LRP1B: variants seen among roughly 807,000 people sequenced by gnomAD.
LRP1B encodes the protein low-density lipoprotein receptor-related protein 1B.
A neutral mutation model predicts 556.6 loss-of-function variants in LRP1B; 217 were observed. That is an observed-to-expected ratio of 0.39 (90% CI 0.35 to 0.44). LRP1B has a LOEUF of 0.44. LRP1B is among the 20% of genes least tolerant of loss of function. The probability of loss-of-function intolerance (pLI) is 1.00; values close to 1 mark genes in which losing one functional copy is unlikely to be tolerated. For synonymous variants in LRP1B, 2,047 were observed against 1,865.8 expected (o/e 1.10, Z -2.50); for missense variants, 5,053 against 5,620.8 (o/e 0.90, Z 3.23).
intron 68 of LRP1B, 72 bp downstream of exon 68, chr2:140,378,108 G>T: frequency 9.9e-7 from 1 of 1,010,602 alleles, no homozygotes; most frequent in East Asian, 2.4e-5. Context: ...CGCACTTATT[G>T]GACTGAATAA....
rs575299905 is a variant in LRP1B, at chr2:142,067,910, G to A, written c.82+62738C>T. Among the ~76,000 whole-genome samples, 24 of 151,544 alleles carry A rather than the reference G, an allele frequency of 1.6e-4. No homozygotes were observed. The South Asian group carries it at 5.0e-3, about 31-fold the overall frequency. ...AACAGAAAAATAATTAAACTATTTG[G>A]AAATAAATGTACACTTTGATAGGTA... On this transcript the variant is annotated intron_variant, in intron 1 of 90. Coordinates refer to ENST00000389484, the MANE Select transcript of LRP1B (RefSeq NM_018557.3).
At chr2:140,974,590 G>A (rs1696535780) in intron 18 of LRP1B, among the ~76,000 whole-genome samples, 1 of 152,078 alleles carries the variant, frequency 6.6e-6, no homozygotes, top group Non-Finnish European at 1.5e-5. Flanking sequence ...TGCTTTAATA[G>A]GAGATTAGAA....
chr2:142,051,244 T>G (rs149322041), intron 1 of LRP1B, among the ~76,000 whole-genome samples: 1 of 152,094 alleles, frequency 6.6e-6, no homozygotes, highest in Non-Finnish European at 1.5e-5. Context: ...GCTGGAATTA[T>G]AAACTGAGAC....
At chr2:140,439,317 C>T (rs983031465) in intron 66 of LRP1B, among the ~76,000 whole-genome samples, 1 of 152,180 alleles carries the variant, frequency 6.6e-6, no homozygotes, top group African/African-American at 2.4e-5. Flanking sequence ...AGCAGTCAGC[C>T]TCTACAGTCT....
At chr2:141,980,276 G>C (rs1702007062) in intron 1 of LRP1B, among the ~76,000 whole-genome samples, 1 of 152,066 alleles carries the variant, frequency 6.6e-6, no homozygotes, top group Non-Finnish European at 1.5e-5. Flanking sequence ...AACATGAACA[G>C]TTCCCGACTG....
At chr2:141,774,275 G>A (rs1160238803) in intron 2 of LRP1B, among the ~76,000 whole-genome samples, 1 of 152,156 alleles carries the variant, frequency 6.6e-6, no homozygotes, top group Non-Finnish European at 1.5e-5. Flanking sequence ...TCATGTTTCT[G>A]CAGGCTATAT....
chr2:140,827,432 T>C (rs1364875751), intron 31 of LRP1B, among the ~76,000 whole-genome samples: 1 of 151,946 alleles, frequency 6.6e-6, no homozygotes, highest in South Asian at 2.1e-4. Flanking sequence ...TAATAATTTT[T>C]AAAAATCAAA....
Position 140,274,604 on chromosome 2 carries a change from A to T in LRP1B, c.12968-6T>A. On this transcript the variant is annotated splice_polypyrimidine_tract_variant and splice_region_variant and intron_variant, in intron 84 of 90. Coordinates refer to ENST00000389484, the MANE Select transcript of LRP1B (RefSeq NM_018557.3). ...ACAATAGTGGTGGCACACGTCTAGGAAAAAAAGGCACAACAGAAAAATAAA... is the reference window on the plus strand; with the variant it reads ...ACAATAGTGGTGGCACACGTCTAGGTAAAAAAGGCACAACAGAAAAATAAA... 1 of 1,590,312 alleles carries T rather than the reference A, an allele frequency of 6.3e-7. No individual in the cohort carries two copies. Among genetic ancestry groups the T allele is most frequent in the Non-Finnish European group, 8.6e-7 (1 of 1,165,298 alleles).
At chr2:141,237,287 A>G (rs995169567) in intron 5 of LRP1B, among the ~76,000 whole-genome samples, 1 of 151,828 alleles carries the variant, frequency 6.6e-6, no homozygotes, top group African/African-American at 2.4e-5. Context: ...TGATGATTTC[A>G]GTGTTGGCAC....
At chr2:141,688,341 C>G (rs1691388471) in intron 2 of LRP1B, among the ~76,000 whole-genome samples, 1 of 151,846 alleles carries the variant, frequency 6.6e-6, no homozygotes, top group African/African-American at 2.4e-5. Flanking sequence ...TCTAAGTACC[C>G]TATATGGACT....
At chr2:140,791,601 T>G (rs1690122291) in intron 32 of LRP1B, among the ~76,000 whole-genome samples, 1 of 152,176 alleles carries the variant, frequency 6.6e-6, no homozygotes. Context: ...CTCTTTAAAT[T>G]CAACCAAGTG....
chr2:141,535,002 T>C (rs1483137), intron 2 of LRP1B, among the ~76,000 whole-genome samples: 51,698 of 152,032 alleles, frequency 0.34, 9,790 homozygotes, highest in Non-Finnish European at 0.43. Context: ...TATGACTTCC[T>C]TTTTAAGGCC....
intron 43 of LRP1B, 145 bp from the exon 44 acceptor site, chr2:140,542,116 A>T (rs1250886292): frequency 1.9e-6 from 1 of 533,750 alleles, no homozygotes; most frequent in Non-Finnish European, 3.2e-6. Context: ...ATTTTACTAA[A>T]TGAATTATGA....
intron 82 of LRP1B, among the ~76,000 whole-genome samples, chr2:140,320,254 G>GCTTAT (rs1680029476): frequency 6.9e-6 from 1 of 145,704 alleles, no homozygotes; most frequent in South Asian, 2.1e-4. Flanking sequence ...ATTTATTGGT[G>GCTTAT]CTTATCTTAT....
chr2:141,815,814 A>G (rs1276455095), intron 1 of LRP1B, among the ~76,000 whole-genome samples: 1 of 152,184 alleles, frequency 6.6e-6, no homozygotes, highest in African/African-American at 2.4e-5. Flanking sequence ...CTTTGGGTCC[A>G]TGCCATCTTT....
rs552961112 is a variant in LRP1B at position 141,605,043 on chromosome 2, C to T, written c.206-124510G>A. Among the ~76,000 whole-genome samples the T allele has an allele frequency of 4.6e-4, 70 of 151,940 alleles. 1 individual carries two copies. The highest frequency in any genetic ancestry group is 1.4e-3 in the African/African-American group (58 of 41,444). ...GTCTCTTGCGGCACGTAAGGTGGCCCGGGTGGGAACGTTGCCAGCCAGAGG... is the reference window on the plus strand; with the variant it reads ...GTCTCTTGCGGCACGTAAGGTGGCCTGGGTGGGAACGTTGCCAGCCAGAGG... On this transcript the variant is annotated intron_variant, in intron 2 of 90. Transcript: ENST00000389484.
intron 2 of LRP1B, among the ~76,000 whole-genome samples, chr2:141,742,128 T>C (rs1693730882): frequency 6.6e-6 from 1 of 152,152 alleles, no homozygotes; most frequent in African/African-American, 2.4e-5. Flanking sequence ...TTATGTTTTC[T>C]ATATTCTGTT....
At chr2:140,631,809 G>A (rs1372765582) in intron 41 of LRP1B, among the ~76,000 whole-genome samples, 1 of 152,044 alleles carries the variant, frequency 6.6e-6, no homozygotes, top group Non-Finnish European at 1.5e-5. Flanking sequence ...AGAACACTAA[G>A]CAGAATAAAT....
At chr2:141,533,608 G>A (rs969593799) in intron 2 of LRP1B, among the ~76,000 whole-genome samples, 1 of 152,016 alleles carries the variant, frequency 6.6e-6, no homozygotes, top group Non-Finnish European at 1.5e-5. Context: ...ACCTAATATC[G>A]GAATCTCCTA....
Sources: allele counts gnomAD v4.1 joint callset (sites outside exome capture counted in the v4.1 genomes callset), GRCh38; gene constraint gnomAD v4.1.1; transcripts MANE v1.5; gene names NCBI Gene and HGNC (gene_info 2026-07-23, HGNC 2026-07-21).